TCF12: variants seen among roughly 807,000 people sequenced by gnomAD.
The protein encoded by TCF12 is DNA-binding protein HTF4.
A neutral mutation model predicts 86.0 loss-of-function variants in TCF12; 45 were observed. The observed-to-expected ratio is 0.52, with a 90% CI of 0.41 to 0.67. The LOEUF (loss-of-function observed/expected upper bound fraction) is 0.67. Ranked by LOEUF, TCF12 falls within the 30% of genes least tolerant of loss-of-function variation. TCF12 has a pLI of 0.00. For missense variants in TCF12, 881 were observed against 859.9 expected (o/e 1.02, Z -0.31); for synonymous variants, 330 against 299.6 (o/e 1.10, Z -1.05).
chr15:56,974,278 A>G (rs1435039466), intron 3 of TCF12, among the ~76,000 whole-genome samples: 1 of 152,116 alleles, frequency 6.6e-6, no homozygotes, highest in Non-Finnish European at 1.5e-5. Context: ...TTCAGAAAAC[A>G]TATGCAGGTA....
At chr15:57,008,445 A>C (rs2064617296) in intron 3 of TCF12, among the ~76,000 whole-genome samples, 1 of 149,974 alleles carries the variant, frequency 6.7e-6, no homozygotes, top group African/African-American at 2.5e-5. Flanking sequence ...GTGCAGTTAT[A>C]GCTGGGTTGA....
chr15:57,255,943 C>G (rs1199711581), intron 16 of TCF12, among the ~76,000 whole-genome samples: 1 of 152,188 alleles, frequency 6.6e-6, no homozygotes, highest in Non-Finnish European at 1.5e-5. Flanking sequence ...TCTCTTCAGT[C>G]CTTATCACCT....
rs1471205519 is a variant in TCF12, at chr15:57,289,363, A to G, written c.*3218A>G. The G allele has an allele frequency of 6.6e-6, 1 of 152,188 alleles. No individual in the cohort carries two copies. Among genetic ancestry groups the G allele is most frequent in the East Asian group, 1.9e-4 (1 of 5,200 alleles). 9.4% of individuals were successfully genotyped at this position (152,188 alleles called of 1,614,324 possible). On this transcript the variant is annotated 3_prime_UTR_variant, in exon 21 of 21. Coordinates refer to ENST00000333725, the MANE Select transcript of TCF12 (RefSeq NM_207037.2). Reference sequence around the variant, plus strand: ...ATCTAGTAAATGACCTCATTAATATATCTGTGAAAACTGAGACTCAGATTG... The same window carrying G: ...ATCTAGTAAATGACCTCATTAATATGTCTGTGAAAACTGAGACTCAGATTG...
chr15:57,206,260 T>C (rs2057804776), intron 8 of TCF12, among the ~76,000 whole-genome samples: 1 of 152,154 alleles, frequency 6.6e-6, no homozygotes, highest in Non-Finnish European at 1.5e-5. Context: ...CCCAGTGCTT[T>C]GGGAGGCCGA....
intron 3 of TCF12, among the ~76,000 whole-genome samples, chr15:57,023,903 C>T (rs1392927125): frequency 6.6e-6 from 1 of 152,154 alleles, no homozygotes; most frequent in Non-Finnish European, 1.5e-5. Flanking sequence ...ATTAGATTCT[C>T]ATAAGGATCG....
At chr15:57,236,900 C>A (rs2059403159) in intron 12 of TCF12, among the ~76,000 whole-genome samples, 1 of 151,350 alleles carries the variant, frequency 6.6e-6, no homozygotes, top group Non-Finnish European at 1.5e-5. Flanking sequence ...GGTATTCGTG[C>A]CATTTCTAAT....
At chr15:57,087,437 A>G (rs541576629) in intron 4 of TCF12, among the ~76,000 whole-genome samples, 13 of 149,796 alleles carry the variant, frequency 8.7e-5, no homozygotes, top group African/African-American at 3.2e-4. Flanking sequence ...ATTTATATAT[A>G]TATATATTTG....
At chr15:57,033,103 G>A (rs190763968) in intron 3 of TCF12, among the ~76,000 whole-genome samples, 6 of 152,130 alleles carry the variant, frequency 3.9e-5, no homozygotes, top group Admixed American at 1.3e-4. Context: ...ATAAAGATAG[G>A]TCAATAGAAA....
intron 3 of TCF12, among the ~76,000 whole-genome samples, chr15:56,998,518 T>G (rs1196938456): frequency 6.6e-6 from 1 of 150,986 alleles, no homozygotes; most frequent in Non-Finnish European, 1.5e-5. Context: ...CTAATTGACA[T>G]TTGTAGTATG....
At chr15:57,285,887 C>G (rs1178546416) in intron 20 of TCF12, among the ~76,000 whole-genome samples, 4 of 152,156 alleles carry the variant, frequency 2.6e-5, no homozygotes, top group Non-Finnish European at 5.9e-5. Context: ...ATGATCATGC[C>G]ACTGCGCTCC....
At chr15:57,195,701 A>G (rs538935745) in intron 7 of TCF12, among the ~76,000 whole-genome samples, 7 of 152,182 alleles carry the variant, frequency 4.6e-5, no homozygotes, top group South Asian at 2.1e-4. Context: ...TCCCAGTCCA[A>G]AGTTAAATGG....
intron 19 of TCF12, among the ~76,000 whole-genome samples, chr15:57,279,927 C>G (rs1279194911): frequency 9.4e-6 from 1 of 106,816 alleles, no homozygotes; most frequent in Non-Finnish European, 1.7e-5. Context: ...TTTTGCTCTT[C>G]TTGTCGCCCA....
At chr15:57,069,969 C>T (rs998075085) in intron 4 of TCF12, among the ~76,000 whole-genome samples, 47 of 152,264 alleles carry the variant, frequency 3.1e-4, no homozygotes, top group African/African-American at 1.0e-3. Flanking sequence ...GCACTTCTGC[C>T]TCATTGCTCT....
At chr15:57,021,670 AG>A (rs1304873678) in intron 3 of TCF12, among the ~76,000 whole-genome samples, 1 of 152,194 alleles carries the variant, frequency 6.6e-6, no homozygotes, top group Non-Finnish European at 1.5e-5. Flanking sequence ...CCTAACAGAT[AG>A]GAGTTCTTAT....
chr15:57,018,666 C>T (rs1314853843), intron 3 of TCF12, among the ~76,000 whole-genome samples: 1 of 151,912 alleles, frequency 6.6e-6, no homozygotes, highest in Admixed American at 6.6e-5. Context: ...GTCTTGAACT[C>T]CTGAGCTCAA....
chr15:57,150,582 A>G (rs1259895439), intron 5 of TCF12, among the ~76,000 whole-genome samples: 3 of 152,146 alleles, frequency 2.0e-5, no homozygotes, highest in African/African-American at 7.2e-5. Flanking sequence ...AAAAATATAA[A>G]CATTTTAAGG....
intron 4 of TCF12, among the ~76,000 whole-genome samples, chr15:57,068,426 C>T (rs1294182676): frequency 2.6e-5 from 4 of 151,952 alleles, no homozygotes; most frequent in African/African-American, 7.3e-5. Flanking sequence ...AATTATTTGC[C>T]GACTCAGTCA....
chr15:57,251,111 AGCTGTATTT>A (rs2060096265), intron 13 of TCF12: 1 of 410,106 alleles, frequency 2.4e-6, no homozygotes, highest in African/African-American at 2.0e-5. Context: ...ACATAAAGGT[AGCTGTATTT>A]AAAATTACAG....
intron 8 of TCF12, among the ~76,000 whole-genome samples, chr15:57,213,853 G>A (rs1427347895): frequency 1.3e-5 from 2 of 152,160 alleles, no homozygotes; most frequent in Non-Finnish European, 2.9e-5. Flanking sequence ...ATTGCCTAAC[G>A]AGTCAATAGC....
Sources: allele counts gnomAD v4.1 joint callset (sites outside exome capture counted in the v4.1 genomes callset), GRCh38; gene constraint gnomAD v4.1.1; transcripts MANE v1.5; gene names NCBI Gene and HGNC (gene_info 2026-07-23, HGNC 2026-07-21).